PLEKHG4B: variants seen among roughly 807,000 people sequenced by gnomAD.
PLEKHG4B encodes pleckstrin homology domain-containing family G member 4B.
PLEKHG4B carries 111 observed loss-of-function variants against 121.3 expected under a neutral mutation model. The observed-to-expected ratio is 0.92, with a 90% CI of 0.78 to 1.07. The LOEUF is 1.07. PLEKHG4B is among the 50% of genes least tolerant of loss of function. The pLI is 0.00. For synonymous variants in PLEKHG4B, 738 were observed against 725.0 expected (o/e 1.02, Z -0.29); for missense variants, 1,831 against 1,757.8 (o/e 1.04, Z -0.74).
Position 156,852 on chromosome 5 carries a change from C to T in PLEKHG4B, c.2428C>T (p.Arg810Cys). 24 of 1,607,090 alleles carry T rather than the reference C, an allele frequency of 1.5e-5. No individual in the cohort carries two copies. Among genetic ancestry groups the T allele is most frequent in the Non-Finnish European group, 1.9e-5 (22 of 1,177,388 alleles). ...CAGGCTGGTCCTCACCTCGAACAAT[C>T]GTCTCCAGCAGCTGGAGCACCTCCG... ...VHRLVLTSNNRLQQLEHLREL... is the reference protein window; with the variant it reads ...VHRLVLTSNNCLQQLEHLREL... The change falls in exon 11 of 20, where the codon CGT (arginine) becomes TGT (cysteine). Residue 810 changes from arginine (R) to cysteine (C), a missense_variant. Coordinates refer to ENST00000637938, the MANE Select transcript of PLEKHG4B (RefSeq NM_052909.5). The surrounding 1 kb of genome is among the most constrained non-coding windows in gnomAD (Gnocchi z 4.4).
rs149831172 is a variant in PLEKHG4B, at chr5:107,299, G to T, written c.46-5952G>T. ...GGACCCTGGACCCCAGAGACCCCAT[G>T]CTTGGCCCTTCTGGGATCCACTGCT... On this transcript the variant is annotated intron_variant, in intron 1 of 19. Transcript: ENST00000637938. 3.0e-3 allele frequency among the ~76,000 whole-genome samples: 462 copies of T among 152,304 alleles called. 1 individual carries two copies. Among genetic ancestry groups the T allele is most frequent in the African/African-American group, 0.01 (418 of 41,558 alleles).
chr5:112,787 C>T (rs902763825), intron 1 of PLEKHG4B, among the ~76,000 whole-genome samples: 13 of 152,196 alleles, frequency 8.5e-5, no homozygotes, highest in Admixed American at 2.0e-4. Flanking sequence ...CAGCTTTGTC[C>T]TCCCCACAAG....
At chr5:168,403 CT>C (rs1302101134) in intron 13 of PLEKHG4B, among the ~76,000 whole-genome samples, 1 of 152,204 alleles carries the variant, frequency 6.6e-6, no homozygotes, top group Non-Finnish European at 1.5e-5. Context: ...CCTGAAGCTG[CT>C]CCTTAAGGTG....
At chr5:133,922 G>GCACACACACA (rs776876090) in intron 2 of PLEKHG4B, among the ~76,000 whole-genome samples, 3 of 140,942 alleles carry the variant, frequency 2.1e-5, no homozygotes, top group Non-Finnish European at 3.1e-5. Context: ...TGACACACAC[G>GCACACACACA]CACACACACA....
rs373173703 is a variant in PLEKHG4B, at chr5:173,948, G to A, written c.4252G>A (p.Gly1418Arg). The change falls in exon 18 of 20, where the codon GGG becomes AGG. Residue 1418 changes from glycine to arginine, a missense_variant. By Grantham distance (125) the Gly-to-Arg change is moderately radical (BLOSUM62 -2). Transcript: ENST00000637938. The stretch of plus-strand genomic sequence containing the variant: ...CGAGATCGGGATGACAGAGAACGTC[G>A]GGGACAGTGGCTTGAGGTTTGAGAT... ...TAEIGMTENV[G>R]DSGLRFEIWF... 4.2e-5 allele frequency: 68 copies of A among 1,613,450 alleles called. No homozygotes were observed. Among genetic ancestry groups the A allele is most frequent in the Middle Eastern group, 3.3e-4 (2 of 6,082 alleles).
intron 2 of PLEKHG4B, among the ~76,000 whole-genome samples, chr5:136,488 C>A (rs1364225691): frequency 6.6e-6 from 1 of 152,044 alleles, no homozygotes; most frequent in Non-Finnish European, 1.5e-5. Flanking sequence ...TAACGCAAAT[C>A]AAAAATGGAT....
Position 171,361 on chromosome 5 carries a change from C to G in PLEKHG4B, c.3967C>G (p.Leu1323Val). 1 of 1,611,996 alleles carries G rather than the reference C, an allele frequency of 6.2e-7. No individual in the cohort carries two copies. Among genetic ancestry groups the G allele is most frequent in the Non-Finnish European group, 8.5e-7 (1 of 1,179,802 alleles). The change falls in exon 16 of 20, where the codon CTC becomes GTC. Residue 1323 changes from leucine to valine, a missense_variant. Physicochemically the swap from Leu to Val is conservative, Grantham distance 32. Transcript: ENST00000637938. ...GLAQGQELGELRAAEVVVCFQ... is the reference protein window; with the variant it reads ...GLAQGQELGEVRAAEVVVCFQ... Reference sequence around the variant, plus strand: ...GGCCCAGGGGCAGGAGCTGGGCGAGCTCCGAGCCGCCGAGGTCGTGGTCTG... The same window carrying G: ...GGCCCAGGGGCAGGAGCTGGGCGAGGTCCGAGCCGCCGAGGTCGTGGTCTG...
At chr5:152,192 C>T (rs1406853788) in intron 7 of PLEKHG4B, among the ~76,000 whole-genome samples, 1 of 151,658 alleles carries the variant, frequency 6.6e-6, no homozygotes, top group Non-Finnish European at 1.5e-5. Flanking sequence ...ACCTTTTTAG[C>T]CATTCTTTCT....
In PLEKHG4B at chr5:184,954, A is replaced by G. The variant is rs1733570244; in HGVS notation, c.*2631A>G. 6.6e-6 allele frequency: 1 copy of G among 152,260 alleles called. No individual in the cohort carries two copies. The highest frequency in any genetic ancestry group is 2.4e-5 in the African/African-American group (1 of 41,462). 9.4% of individuals were successfully genotyped at this position (152,260 alleles called of 1,614,324 possible). On this transcript the variant is annotated 3_prime_UTR_variant, in exon 20 of 20. Coordinates refer to ENST00000637938, the MANE Select transcript of PLEKHG4B (RefSeq NM_052909.5). The stretch of plus-strand genomic sequence containing the variant: ...ATACGCACAGGTAAACTGTGTGACC[A>G]CAGCAGCGTGATGGCTGGGAGACGC...
In PLEKHG4B at chr5:157,434, T is replaced by G. The variant is rs1417740845; in HGVS notation, c.2487+523T>G. Among the ~76,000 whole-genome samples, 1 of 152,026 alleles carries G rather than the reference T, an allele frequency of 6.6e-6. No individual in the cohort carries two copies. The highest frequency in any genetic ancestry group is 1.5e-5 in the Non-Finnish European group (1 of 68,004). On this transcript the variant is annotated intron_variant, in intron 11 of 19. Transcript: ENST00000637938. This position sits in a 1 kb window ranked among gnomAD's most constrained non-coding sequence, Gnocchi z 4.6. ...GATGACGGAAGTGGCTTTTCATGAATTCTCTGGGTCACAGAAATGGCATTG... is the reference window on the plus strand; with the variant it reads ...GATGACGGAAGTGGCTTTTCATGAAGTCTCTGGGTCACAGAAATGGCATTG...
At chr5:130,070 T>TGA (rs56219630) in intron 2 of PLEKHG4B, among the ~76,000 whole-genome samples, 4 of 130,904 alleles carry the variant, frequency 3.1e-5, no homozygotes, top group South Asian at 2.3e-4. Context: ...GAAGAGAGAG[T>TGA]GAGAGAGAGA....
chr5:182,420 C>T lies in PLEKHG4B; in HGVS notation c.*97C>T, dbSNP rs1219175915. On this transcript the variant is annotated 3_prime_UTR_variant, in exon 20 of 20. Coordinates refer to ENST00000637938, the MANE Select transcript of PLEKHG4B (RefSeq NM_052909.5). ...ACTCTGGGGGTGGCGGTGCCCATCG[C>T]GTGGCTGGAACGATCCAGAGGGAAT... The T allele has an allele frequency of 1.3e-5, 17 of 1,299,708 alleles. No individual in the cohort carries two copies. Among genetic ancestry groups the T allele is most frequent in the East Asian group, 2.5e-5 (1 of 39,306 alleles). 80.5% of individuals were successfully genotyped at this position (1,299,708 alleles called of 1,614,324 possible).
chr5:118,672 T>C (rs1480635732), intron 2 of PLEKHG4B, among the ~76,000 whole-genome samples: 1 of 152,180 alleles, frequency 6.6e-6, no homozygotes, highest in Non-Finnish European at 1.5e-5. Flanking sequence ...ATGTTCATAA[T>C]AGCATCCAGA....
chr5:185,017 G>A lies in PLEKHG4B; in HGVS notation c.*2694G>A, dbSNP rs1411946442. 2 of 152,306 alleles carry A rather than the reference G, an allele frequency of 1.3e-5. No homozygotes were observed. Among genetic ancestry groups the A allele is most frequent in the Middle Eastern group, 3.4e-3 (1 of 294 alleles). The allele number at this position is 152,306 out of a possible 1,614,324, so 9.4% of individuals were successfully genotyped here. ...GTGAAGTGAGGGGTATCACTTGAAG[G>A]TAGATTGTGGTAAGCTAAAGATGTA... On this transcript the variant is annotated 3_prime_UTR_variant, in exon 20 of 20. Coordinates refer to ENST00000637938, the MANE Select transcript of PLEKHG4B (RefSeq NM_052909.5).
rs1733656472 is a variant in PLEKHG4B at position 187,283 on chromosome 5, A to G, written c.*4960A>G. 6.6e-6 allele frequency: 1 copy of G among 152,338 alleles called. No homozygotes were observed. The allele number at this position is 152,338 out of a possible 1,614,324, so 9.4% of individuals were successfully genotyped here. A position where few individuals can be genotyped will look rare whatever the true frequency, so the allele number is the denominator to read the frequency against. On this transcript the variant is annotated 3_prime_UTR_variant, in exon 20 of 20. Transcript: ENST00000637938. Reference sequence around the variant, plus strand: ...GAGAGGCTGATCAGACGGGAGCCGCATCCCCATCACCTTCCAGAGAGACCT... The same window carrying G: ...GAGAGGCTGATCAGACGGGAGCCGCGTCCCCATCACCTTCCAGAGAGACCT...
intron 2 of PLEKHG4B, among the ~76,000 whole-genome samples, chr5:134,777 AAAAAG>A (rs1553984984): frequency 4.7e-5 from 7 of 147,378 alleles, no homozygotes; most frequent in South Asian, 4.2e-4. Flanking sequence ...AAAAAAAAAA[AAAAAG>A]AAAAGAAAAG....
rs111247576 is a variant in PLEKHG4B at position 182,313 on chromosome 5, G to A, written c.4874G>A (p.Arg1625His). The change falls in exon 20 of 20, where the codon CGC becomes CAC. Residue 1625 changes from arginine to histidine, a missense_variant. Physicochemically the swap from Arg to His is conservative, Grantham distance 29 (BLOSUM62 0). Coordinates refer to ENST00000637938, the MANE Select transcript of PLEKHG4B (RefSeq NM_052909.5). The stretch of plus-strand genomic sequence containing the variant: ...CCTGCTGTGCTGCTGAGCCGCACAC[G>A]CCAGGCCTGATGACTGTCAGGGTGG... ...GAPAVLLSRT[R>H]QA 3.2e-4 allele frequency: 518 copies of A among 1,602,504 alleles called. 2 individuals are homozygous for A. The African/African-American group carries it at 5.9e-3, about 18-fold the overall frequency.
intron 1 of PLEKHG4B, among the ~76,000 whole-genome samples, chr5:97,143 T>C (rs934856794): frequency 2.6e-5 from 4 of 151,922 alleles, no homozygotes; most frequent in Non-Finnish European, 4.4e-5. Flanking sequence ...CAGATCGTTT[T>C]CCTCATTCCA....
intron 2 of PLEKHG4B, among the ~76,000 whole-genome samples, chr5:135,675 AAAAAAAAATATATAT>A (rs1156708721): frequency 2.7e-5 from 2 of 73,170 alleles, no homozygotes; most frequent in Non-Finnish European, 5.2e-5. Flanking sequence ...CAAAAAAAAA[AAAAAAAAATATATAT>A]ATATATATAT....
Sources: allele counts gnomAD v4.1 joint callset (sites outside exome capture counted in the v4.1 genomes callset), GRCh38; gene constraint gnomAD v4.1.1; non-coding constraint Gnocchi (gnomAD v3.1); transcripts MANE v1.5; gene names NCBI Gene and HGNC (gene_info 2026-07-23, HGNC 2026-07-21).